The following NCOA1 variants were observed in gnomAD, a reference collection of about 807,000 sequenced individuals.
NCOA1 encodes nuclear receptor coactivator 1.
NCOA1 carries 35 observed loss-of-function variants against 150.9 expected under a neutral mutation model. The ratio of observed to expected loss-of-function variants is 0.23; its 90% CI spans 0.18 to 0.31. The LOEUF (loss-of-function observed/expected upper bound fraction) is 0.31, where lower values mean the gene tolerates loss of function less well. Among genes scored for constraint, NCOA1 ranks in the 10% least tolerant of loss-of-function variants. The probability of loss-of-function intolerance (pLI) is 1.00; values close to 1 mark genes in which losing one functional copy is unlikely to be tolerated. For missense variants in NCOA1, 1,491 were observed against 1,749.3 expected, an observed-to-expected ratio of 0.85 and a Z score of 2.63; for synonymous variants, 590 against 630.0, an observed-to-expected ratio of 0.94 and a Z score of 0.95.
At position 24,705,200 on chromosome 2, in the gene NCOA1, A is replaced by G; in HGVS notation, c.1064A>G (p.Gln355Arg). 2 of 1,614,050 alleles carry G rather than the reference A, an allele frequency of 1.2e-6. No individual in the cohort carries two copies. Among genetic ancestry groups the G allele is most frequent in the Non-Finnish European group, 1.7e-6 (2 of 1,179,896 alleles). The change falls in exon 12 of 23, where the codon CAA becomes CGA. Residue 355 changes from glutamine to arginine, a missense_variant. Transcript: ENST00000348332. Reference protein sequence around the residue: ...KLCYPQSPDMQPFIMGIHIID... With the variant: ...KLCYPQSPDMRPFIMGIHIID... ...TGCTACCCTCAAAGTCCAGACATGC[A>G]ACCTTTCATCATGGGAATTCATATC...
At chr2:24,575,892 G>A (rs1666934142) in intron 2 of NCOA1, among the ~76,000 whole-genome samples, 1 of 152,100 alleles carries the variant, frequency 6.6e-6, no homozygotes, top group Admixed American at 6.5e-5. Context: ...ATTCTTTTAA[G>A]TAATGTTGGT....
rs1673353639 is a variant in NCOA1, at chr2:24,705,121, A to G, written c.985A>G (p.Arg329Gly). The change falls in exon 12 of 23, where the codon AGA (arginine) becomes GGA (glycine). Residue 329 changes from arginine to glycine, a missense_variant. This residue lies in a region of NCOA1 where 703 missense variants were observed against 717.7 expected (regional missense o/e 0.98). Coordinates refer to ENST00000348332, the MANE Select transcript of NCOA1 (RefSeq NM_003743.5). Reference protein sequence around the residue: ...TRGTASSPSYRFILNDGTMLS... With the variant: ...TRGTASSPSYGFILNDGTMLS... ...TGGCACTGCCTCCAGCCCCTCCTAT[A>G]GATTCATATTGAATGATGGGACAAT... is the stretch of plus-strand genomic sequence containing the variant. 3.1e-6 allele frequency: 5 copies of G among 1,614,092 alleles called. No homozygotes were observed. In the South Asian group the frequency reaches 3.3e-5, roughly 11 times the overall value.
intron 19 of NCOA1, among the ~76,000 whole-genome samples, chr2:24,749,878 TAGAC>T (rs1346325524): frequency 6.6e-5 from 10 of 152,196 alleles, no homozygotes; most frequent in African/African-American, 2.4e-4. Context: ...ATAGAATTAG[TAGAC>T]AGAGACATTA....
chr2:24,732,384 ACTT>A (rs975910626), intron 17 of NCOA1, among the ~76,000 whole-genome samples: 42 of 152,164 alleles, frequency 2.8e-4, no homozygotes, highest in African/African-American at 8.9e-4. Context: ...CGCAAAAACA[ACTT>A]CTACTGCAAA....
Position 24,712,578 on chromosome 2 carries a change from T to A in NCOA1, c.2599+1467T>A, listed in dbSNP as rs369424461. Among the ~76,000 whole-genome samples the A allele has an allele frequency of 2.0e-4, 30 of 152,114 alleles. 1 individual carries two copies. The South Asian group carries it at 6.0e-3, about 31-fold the overall frequency. ...AGACACAGTCAAGAATCATCAGTAC[T>A]TGGAGGAAACTCTGCAACTTGAAAG... On this transcript the variant is annotated intron_variant, in intron 14 of 22. Transcript: ENST00000348332.
At chr2:24,660,709 A>G (rs535661032) in intron 5 of NCOA1, among the ~76,000 whole-genome samples, 11 of 152,218 alleles carry the variant, frequency 7.2e-5, no homozygotes, top group African/African-American at 2.6e-4. Flanking sequence ...ACAAATTTTC[A>G]ATGTTACAGC....
At chr2:24,553,054 A>G (rs1384403725) in intron 1 of NCOA1, among the ~76,000 whole-genome samples, 4 of 152,182 alleles carry the variant, frequency 2.6e-5, no homozygotes, top group Admixed American at 6.5e-5. Flanking sequence ...GTGAGAGCAG[A>G]CGTTCATGTC....
At chr2:24,611,800 C>T (rs1463265202) in intron 3 of NCOA1, among the ~76,000 whole-genome samples, 3 of 151,816 alleles carry the variant, frequency 2.0e-5, no homozygotes, top group Non-Finnish European at 2.9e-5. Flanking sequence ...ACTTTGAGCC[C>T]GTGGGTATTG....
chr2:24,534,701 TA>T (rs1665050877), intron 1 of NCOA1, among the ~76,000 whole-genome samples: 1 of 152,216 alleles, frequency 6.6e-6, no homozygotes. Flanking sequence ...TTCATTTCGT[TA>T]TTTACCCAGT....
At chr2:24,607,153 G>T (rs1668403926) in intron 3 of NCOA1, among the ~76,000 whole-genome samples, 1 of 150,738 alleles carries the variant, frequency 6.6e-6, no homozygotes, top group South Asian at 2.1e-4. Flanking sequence ...ATTTTGGAGA[G>T]TGAATAGTTA....
intron 1 of NCOA1, among the ~76,000 whole-genome samples, chr2:24,534,879 A>C (rs1665060938): frequency 6.6e-6 from 1 of 152,158 alleles, no homozygotes. Context: ...TTATGTGGTC[A>C]ATTTTAGAAT....
At chr2:24,721,444 T>C (rs1284601305) in intron 14 of NCOA1, among the ~76,000 whole-genome samples, 2 of 152,214 alleles carry the variant, frequency 1.3e-5, no homozygotes, top group Admixed American at 6.5e-5. Context: ...TACTGGTAGC[T>C]AGTGTATTTC....
intron 3 of NCOA1, among the ~76,000 whole-genome samples, chr2:24,605,786 G>C (rs1668336115): frequency 6.6e-6 from 1 of 152,168 alleles, no homozygotes; most frequent in South Asian, 2.1e-4. Context: ...AGTAGAATGT[G>C]AGTAGAAGTA....
At chr2:24,614,407 G>A (rs1668782600) in intron 3 of NCOA1, among the ~76,000 whole-genome samples, 1 of 150,632 alleles carries the variant, frequency 6.6e-6, no homozygotes, top group African/African-American at 2.4e-5. Context: ...GTTTTGTTTT[G>A]TTTGGAGAGA....
At chr2:24,569,598 A>G (rs1342923313) in intron 2 of NCOA1, among the ~76,000 whole-genome samples, 3 of 114,040 alleles carry the variant, frequency 2.6e-5, no homozygotes, top group African/African-American at 1.0e-4. Context: ...TGGGCTAGGT[A>G]CGGTAGCTCA....
intron 1 of NCOA1, among the ~76,000 whole-genome samples, chr2:24,556,787 G>T (rs1351915067): frequency 6.6e-6 from 1 of 152,066 alleles, no homozygotes; most frequent in Non-Finnish European, 1.5e-5. Context: ...GTCAGAATGT[G>T]CATTAGTTCA....
chr2:24,537,024 C>T (rs778252455), intron 1 of NCOA1, among the ~76,000 whole-genome samples: 9 of 151,928 alleles, frequency 5.9e-5, no homozygotes, highest in Non-Finnish European at 1.2e-4. Flanking sequence ...TTGGGTATAA[C>T]GTATGCTACT....
At chr2:24,609,799 T>C (rs1411514234) in intron 3 of NCOA1, among the ~76,000 whole-genome samples, 1 of 152,182 alleles carries the variant, frequency 6.6e-6, no homozygotes, top group Non-Finnish European at 1.5e-5. Flanking sequence ...GTCATTCTTT[T>C]CTAATGAAAG....
intron 19 of NCOA1, among the ~76,000 whole-genome samples, chr2:24,743,896 A>G (rs970304835): frequency 1.3e-5 from 2 of 152,216 alleles, no homozygotes; most frequent in Non-Finnish European, 2.9e-5. Context: ...GATTTTTTCT[A>G]TTAAAAAATA....
Sources: allele counts gnomAD v4.1 joint callset (sites outside exome capture counted in the v4.1 genomes callset), GRCh38; gene constraint gnomAD v4.1.1; regional missense constraint gnomAD v4.1.1; transcripts MANE v1.5; gene names NCBI Gene and HGNC (gene_info 2026-07-23, HGNC 2026-07-21).